Variants in BLM observed in about 807,000 individuals in gnomAD.
BLM encodes BLM RecQ like helicase.
Under a neutral mutation model 135.3 loss-of-function variants are expected in BLM, and 95 were observed. The ratio of observed to expected loss-of-function variants is 0.70; its 90% CI spans 0.59 to 0.83. BLM has a LOEUF of 0.83. BLM is among the 40% of genes least tolerant of loss of function. The pLI is 0.00. For missense variants in BLM, 1,518 were observed against 1,663.9 expected (o/e 0.91, Z 1.53); for synonymous variants, 520 against 589.2 (o/e 0.88, Z 1.70).
chr15:90,729,901 A>C (rs1245274479), intron 1 of BLM, among the ~76,000 whole-genome samples: 1 of 152,180 alleles, frequency 6.6e-6, no homozygotes, highest in Non-Finnish European at 1.5e-5. Context: ...GCTGGAGTGC[A>C]GTGGCGTGAT....
At chr15:90,742,730 G>A (rs1728064183) in intron 1 of BLM, among the ~76,000 whole-genome samples, 1 of 151,768 alleles carries the variant, frequency 6.6e-6, no homozygotes. Context: ...GACCTCCCGG[G>A]CTCAAATGAT....
intron 1 of BLM, among the ~76,000 whole-genome samples, chr15:90,726,466 C>T (rs1238373289): frequency 6.6e-6 from 1 of 152,158 alleles, no homozygotes; most frequent in Non-Finnish European, 1.5e-5. Flanking sequence ...CGGGGTTTCT[C>T]CATGTTGGTC....
In BLM at chr15:90,793,622, G is replaced by A. The variant is rs28385096; in HGVS notation, c.3020-545G>A. Reference sequence around the variant, plus strand: ...TGCAAAGATGAGATATTGCTAATAGGAATGTAGCACAATCTAATGTTAATA... The same window carrying A: ...TGCAAAGATGAGATATTGCTAATAGAAATGTAGCACAATCTAATGTTAATA... On this transcript the variant is annotated intron_variant, in intron 15 of 21. Transcript: ENST00000355112. Among the ~76,000 whole-genome samples the A allele has an allele frequency of 2.0e-5, 3 of 152,034 alleles. No individual in the cohort carries two copies. The South Asian group carries it at 6.2e-4, about 31-fold the overall frequency.
chr15:90,770,667 A>G (rs1036524899), intron 12 of BLM, among the ~76,000 whole-genome samples: 3 of 152,376 alleles, frequency 2.0e-5, no homozygotes, highest in Middle Eastern at 3.4e-3. Context: ...AAACATTAAC[A>G]TGGTATGCCT....
chr15:90,771,156 C>T (rs984910309), intron 12 of BLM, among the ~76,000 whole-genome samples: 3 of 152,058 alleles, frequency 2.0e-5, no homozygotes, highest in Non-Finnish European at 1.5e-5. Flanking sequence ...AAATATTTTG[C>T]GTCTATAATT....
intron 14 of BLM, among the ~76,000 whole-genome samples, chr15:90,786,002 T>TTTC (rs1567053850): frequency 8.0e-6 from 1 of 124,560 alleles, no homozygotes; most frequent in Non-Finnish European, 1.6e-5. Flanking sequence ...TTCTTTCTTT[T>TTTC]TTTTTTTTTT....
intron 1 of BLM, among the ~76,000 whole-genome samples, chr15:90,725,337 G>A (rs991539462): frequency 3.3e-5 from 5 of 152,178 alleles, no homozygotes; most frequent in Admixed American, 6.5e-5. Context: ...TAGATTTTCC[G>A]TTGCTCTGCA....
chr15:90,801,966 G>A (rs955128199), intron 17 of BLM, among the ~76,000 whole-genome samples: 3 of 152,130 alleles, frequency 2.0e-5, no homozygotes, highest in African/African-American at 7.2e-5. Context: ...TGATGTGGGA[G>A]GATCACCTGC....
chr15:90,798,200 CAA>C lies in BLM; in HGVS notation c.3222_3223del (p.Asp1076CysfsTer3), dbSNP rs1555423753. 6.2e-7 allele frequency: 1 copy of C among 1,605,066 alleles called. No individual in the cohort carries two copies. Among genetic ancestry groups the C allele is most frequent in the African/African-American group, 1.3e-5 (1 of 74,662 alleles). ...TCTTTTTATTCATAGGATTATAAAA[CAA>C]GAGATGTGACTGACGATGTGAAAAG... On this transcript the variant is annotated frameshift_variant, in exon 17 of 22. Coordinates refer to ENST00000355112, the MANE Select transcript of BLM (RefSeq NM_000057.4). LOFTEE classifies it high-confidence loss of function.
At chr15:90,798,364 G>T in intron 17 of BLM, 27 bp downstream of exon 17, 1 of 1,607,770 alleles carries the variant, frequency 6.2e-7, no homozygotes. Flanking sequence ...GAATGTTTGA[G>T]TTACTTCAAT....
chr15:90,766,887 T>G lies in BLM; in HGVS notation c.2194-23T>G, dbSNP rs756442666. On this transcript the variant is annotated intron_variant, in intron 9 of 21. Transcript: ENST00000355112. ...GTCAGGTTAATGTATAAAATTGAAA[T>G]TGTTTACTACTTTTATACTTAGATT... 2.8e-6 allele frequency: 4 copies of G among 1,446,862 alleles called. No homozygotes were observed. In the African/African-American group the frequency reaches 5.6e-5, roughly 20 times the overall value. The allele number at this position is 1,446,862 out of a possible 1,614,324, so 89.6% of individuals were successfully genotyped here. A position where few individuals can be genotyped will look rare whatever the true frequency, so the allele number is the denominator to read the frequency against.
At chr15:90,809,739 T>C (rs1897364383) in intron 20 of BLM, among the ~76,000 whole-genome samples, 2 of 152,238 alleles carry the variant, frequency 1.3e-5, no homozygotes, top group Admixed American at 6.5e-5. Context: ...TTGTTAGTCA[T>C]TGATAGAACC....
chr15:90,752,455 G>A (rs1283093392), intron 4 of BLM, among the ~76,000 whole-genome samples: 2 of 152,094 alleles, frequency 1.3e-5, no homozygotes, highest in Non-Finnish European at 2.9e-5. Flanking sequence ...AGGATTACAG[G>A]CATAAGCCAC....
chr15:90,755,636 C>G (rs1895797909), intron 5 of BLM, among the ~76,000 whole-genome samples: 1 of 152,098 alleles, frequency 6.6e-6, no homozygotes, highest in South Asian at 2.1e-4. Context: ...AGACATTTTT[C>G]TGGCATTATT....
chr15:90,732,997 G>A (rs1445926392), intron 1 of BLM, among the ~76,000 whole-genome samples: 1 of 152,132 alleles, frequency 6.6e-6, no homozygotes, highest in Non-Finnish European at 1.5e-5. Context: ...GGATGCTGAG[G>A]CAGGAGAATT....
At chr15:90,789,042 G>GATATAT (rs10598894) in intron 14 of BLM, among the ~76,000 whole-genome samples, 10 of 146,254 alleles carry the variant, frequency 6.8e-5, no homozygotes, top group East Asian at 5.9e-4. Flanking sequence ...CTACAATGGA[G>GATATAT]ATATATATAT....
At chr15:90,744,919 G>A (rs1895460948) in intron 1 of BLM, among the ~76,000 whole-genome samples, 1 of 151,854 alleles carries the variant, frequency 6.6e-6, no homozygotes, top group Non-Finnish European at 1.5e-5. Flanking sequence ...GGGCATGGTG[G>A]TGTGCACCTG....
At position 90,751,874 on chromosome 15, in the gene BLM, A is replaced by T. The variant is rs775005766; in HGVS notation, c.887A>T (p.Tyr296Phe). The change falls in exon 4 of 22, where the codon TAT (tyrosine) becomes TTT (phenylalanine). Residue 296 changes from tyrosine to phenylalanine, a missense_variant. Transcript: ENST00000355112. Reference protein sequence around the residue: ...VPCIEFDDDDYDTDFVPPSPE... With the variant: ...VPCIEFDDDDFDTDFVPPSPE... ...TGTATTGAATTTGATGATGATGATT[A>T]TGATACGGATTTTGTTCCACCTTCT... The T allele has an allele frequency of 1.1e-5, 18 of 1,612,964 alleles. No homozygotes were observed. The highest frequency in any genetic ancestry group is 1.1e-4 in the South Asian group (10 of 91,044).
intron 19 of BLM, 97 bp from the exon 20 acceptor site, chr15:90,809,040 C>CACTT: frequency 1.3e-6 from 2 of 1,540,248 alleles, no homozygotes; most frequent in Non-Finnish European, 9.0e-7. Flanking sequence ...AGTTAGTTGG[C>CACTT]ACTTAGCAGA....
Sources: gnomAD v4.1 joint callset for allele counts (sites outside exome capture counted in the v4.1 genomes callset) on GRCh38, gnomAD v4.1.1 for gene constraint, MANE v1.5 for transcripts, NCBI Gene and HGNC (gene_info 2026-07-23, HGNC 2026-07-21) for gene names.